The following ZNF829 variants were observed in gnomAD, a reference collection of about 807,000 sequenced individuals.
The protein encoded by ZNF829 is zinc finger protein 829.
ZNF829 carries 25 observed loss-of-function variants against 35.2 expected under a neutral mutation model. That is an observed-to-expected ratio of 0.71 (90% CI 0.52 to 0.99). The LOEUF (loss-of-function observed/expected upper bound fraction) is 0.99. Ranked by LOEUF, ZNF829 falls within the 50% of genes least tolerant of loss-of-function variation. ZNF829 has a pLI of 0.00. For synonymous variants in ZNF829, 136 were observed against 163.2 expected, an observed-to-expected ratio of 0.83 and a Z score of 1.27; for missense variants, 417 against 515.3, an observed-to-expected ratio of 0.81 and a Z score of 1.85.
chr19:36,898,108 G>A lies in ZNF829; in HGVS notation c.320-5637C>T, dbSNP rs143658716. On this transcript the variant is annotated intron_variant, in intron 5 of 5. Coordinates refer to ENST00000391711, the MANE Select transcript of ZNF829 (RefSeq NM_001037232.4). ...TTGAACCCAGGAGGTGGAAGCTGCAGAGAGCTGAGATCATGCCATTGCACT... is the reference window on the plus strand; with the variant it reads ...TTGAACCCAGGAGGTGGAAGCTGCAAAGAGCTGAGATCATGCCATTGCACT... Among the ~76,000 whole-genome samples, 37 of 152,200 alleles carry A rather than the reference G, an allele frequency of 2.4e-4. 1 individual carries two copies. The East Asian group carries it at 7.0e-3, about 29-fold the overall frequency.
intron 3 of ZNF829, among the ~76,000 whole-genome samples, chr19:36,910,106 C>T (rs557872437): frequency 4.0e-5 from 6 of 149,042 alleles, no homozygotes; most frequent in African/African-American, 7.4e-5. Context: ...TTTTTTGAGA[C>T]GGAGTTTCGC....
chr19:36,901,983 C>T, intron 5 of ZNF829: 1 of 733,306 alleles, frequency 1.4e-6, no homozygotes, highest in Non-Finnish European at 2.5e-6. Context: ...AGGAATGTCC[C>T]ATAACGAATC....
Position 36,888,443 on chromosome 19 carries a change from TTC to T in ZNF829, c.*3047_*3048del. ...CGTCAATAAAATTTATACACCCATT[TTC>T]TGTTCCCACCTACCACACTAAATTC... On this transcript the variant is annotated 3_prime_UTR_variant, in exon 6 of 6. Coordinates refer to ENST00000391711, the MANE Select transcript of ZNF829 (RefSeq NM_001037232.4). The T allele has an allele frequency of 6.6e-6, 1 of 152,194 alleles. No individual in the cohort carries two copies. 9.4% of individuals were successfully genotyped at this position (152,194 alleles called of 1,614,324 possible).
Position 36,888,863 on chromosome 19 carries a change from C to T in ZNF829, c.*2629G>A, listed in dbSNP as rs1164896977. ...TCTCAGCTCACTGCAACCTCCGCTT[C>T]TCAGGTTCAAGTAATTCTCCTGCCT... On this transcript the variant is annotated 3_prime_UTR_variant, in exon 6 of 6. Coordinates refer to ENST00000391711, the MANE Select transcript of ZNF829 (RefSeq NM_001037232.4). 1 of 152,320 alleles carries T rather than the reference C, an allele frequency of 6.6e-6. No individual in the cohort carries two copies. Among genetic ancestry groups the T allele is most frequent in the Non-Finnish European group, 1.5e-5 (1 of 68,180 alleles). 9.4% of individuals were successfully genotyped at this position (152,320 alleles called of 1,614,324 possible). A position where few individuals can be genotyped will look rare whatever the true frequency, so the allele number is the denominator to read the frequency against.
intron 5 of ZNF829, among the ~76,000 whole-genome samples, chr19:36,895,030 TA>T (rs1046755043): frequency 6.6e-6 from 1 of 151,944 alleles, no homozygotes; most frequent in Admixed American, 6.6e-5. Flanking sequence ...CAGAGAATTC[TA>T]AAAAAAGCAA....
chr19:36,915,268 G>A lies in ZNF829; in HGVS notation c.-84-17C>T. 1 of 1,601,960 alleles carries A rather than the reference G, an allele frequency of 6.2e-7. No individual in the cohort carries two copies. Among genetic ancestry groups the A allele is most frequent in the South Asian group, 1.1e-5 (1 of 89,534 alleles). On this transcript the variant is annotated splice_polypyrimidine_tract_variant and intron_variant, in intron 1 of 5. Coordinates refer to ENST00000391711, the MANE Select transcript of ZNF829 (RefSeq NM_001037232.4). The stretch of plus-strand genomic sequence containing the variant: ...AGAGGTTTCCTAGAGACAGAGTTCT[G>A]GAGTCACAATCGCATAGTTGACAGG...
intron 5 of ZNF829, among the ~76,000 whole-genome samples, chr19:36,893,412 A>G (rs2073080671): frequency 6.6e-6 from 1 of 152,208 alleles, no homozygotes; most frequent in African/African-American, 2.4e-5. Context: ...ATAGGATGAA[A>G]TGTACTCTAT....
rs868269878 is a variant in ZNF829 at position 36,893,010 on chromosome 19, G to T, written c.320-539C>A. On this transcript the variant is annotated intron_variant, in intron 5 of 5. Transcript: ENST00000391711. ...CGTGAGATATTCTAATTATATACAC[G>T]TTCATAAACATATGCTCACATGCAC... 1.7e-5 allele frequency: 7 copies of T among 407,898 alleles called. No homozygotes were observed. The Middle Eastern group carries it at 2.1e-3, about 122-fold the overall frequency. 25.3% of individuals were successfully genotyped at this position (407,898 alleles called of 1,614,324 possible).
chr19:36,915,069 C>T (rs1470226303), intron 2 of ZNF829, 47 bp from the exon 3 acceptor site: 1 of 1,613,976 alleles, frequency 6.2e-7, no homozygotes. Context: ...TGTGAGACAC[C>T]AGGTTTTTCT....
At chr19:36,910,478 A>G (rs2073255107) in intron 3 of ZNF829, among the ~76,000 whole-genome samples, 1 of 152,214 alleles carries the variant, frequency 6.6e-6, no homozygotes, top group African/African-American at 2.4e-5. Flanking sequence ...GGAAATTACA[A>G]TTCTTATAAG....
intron 5 of ZNF829, among the ~76,000 whole-genome samples, chr19:36,899,066 G>C (rs567620039): frequency 6.6e-6 from 1 of 152,290 alleles, no homozygotes; most frequent in African/African-American, 2.4e-5. Flanking sequence ...GCAGAGTGAA[G>C]AGACCTGTAG....
rs2073061205 is a variant in ZNF829 at position 36,892,166 on chromosome 19, T to A, written c.625A>T (p.Lys209Ter). ...CATTCCTTACATTCATAGGGTTTTT[T>A]ACCAGTGTGAATCCTCTGATGTCGA... is the stretch of plus-strand genomic sequence containing the variant. The part of the protein sequence containing the change: ...VTRHQRIHTG[K>*]KPYECKECGK... The change falls in exon 6 of 6, where the codon AAA becomes TAA. Residue 209 changes from lysine to a stop codon, truncating the protein, a stop_gained. Transcript: ENST00000391711. LOFTEE classifies it high-confidence loss of function. 4.3e-6 allele frequency: 7 copies of A among 1,613,982 alleles called. No individual in the cohort carries two copies. The East Asian group carries it at 1.6e-4, about 36-fold the overall frequency.
chr19:36,889,513 A>C lies in ZNF829; in HGVS notation c.*1979T>G, dbSNP rs1408962753. The C allele has an allele frequency of 1.3e-5, 2 of 152,070 alleles. No homozygotes were observed. The highest frequency in any genetic ancestry group is 4.8e-5 in the African/African-American group (2 of 41,410). The allele number at this position is 152,070 out of a possible 1,614,324, so 9.4% of individuals were successfully genotyped here. ...GAGGATTCCTATTTCTCCCTGGTTCAATCTTGGAAGGTTATGTGTTTCTAG... is the reference window on the plus strand; with the variant it reads ...GAGGATTCCTATTTCTCCCTGGTTCCATCTTGGAAGGTTATGTGTTTCTAG... On this transcript the variant is annotated 3_prime_UTR_variant, in exon 6 of 6. Transcript: ENST00000391711.
rs1173631575 is a variant in ZNF829 at position 36,890,698 on chromosome 19, A to T, written c.*794T>A. 1 of 151,044 alleles carries T rather than the reference A, an allele frequency of 6.6e-6. No homozygotes were observed. The highest frequency in any genetic ancestry group is 2.4e-5 in the African/African-American group (1 of 41,134). 9.4% of individuals were successfully genotyped at this position (151,044 alleles called of 1,614,324 possible). ...GCTACTAAAAATACAAAAAAAAAAA[A>T]AAAAAAAATTAGCCGGGCATGGTGG... On this transcript the variant is annotated 3_prime_UTR_variant, in exon 6 of 6. Coordinates refer to ENST00000391711, the MANE Select transcript of ZNF829 (RefSeq NM_001037232.4).
At chr19:36,892,956 G>A in intron 5 of ZNF829, 1 of 549,132 alleles carries the variant, frequency 1.8e-6, no homozygotes. Flanking sequence ...CCAGCAGGAT[G>A]CCGCTTCTGC....
At chr19:36,897,576 C>T (rs958936617) in intron 5 of ZNF829, among the ~76,000 whole-genome samples, 4 of 152,116 alleles carry the variant, frequency 2.6e-5, no homozygotes, top group Admixed American at 6.5e-5. Flanking sequence ...ATATGACAAA[C>T]GTACAGCTAA....
intron 5 of ZNF829, chr19:36,906,819 G>C (rs533177489): frequency 3.3e-5 from 5 of 152,156 alleles, no homozygotes; most frequent in Non-Finnish European, 7.4e-5. Flanking sequence ...GGACACAGTG[G>C]GTTACGCCTG....
At chr19:36,905,510 T>C (rs1228112636) in intron 5 of ZNF829, 1 of 151,512 alleles carries the variant, frequency 6.6e-6, no homozygotes, top group African/African-American at 2.4e-5. Flanking sequence ...TGATCTCGGC[T>C]CACTGCAACC....
intron 5 of ZNF829, among the ~76,000 whole-genome samples, chr19:36,901,318 C>A (rs181783877): frequency 6.3e-4 from 96 of 152,194 alleles, no homozygotes; most frequent in Non-Finnish European, 1.1e-3. Flanking sequence ...ATAGGCAAAT[C>A]CATAGAGAAA....
Sources: gnomAD v4.1 joint callset for allele counts (sites outside exome capture counted in the v4.1 genomes callset) on GRCh38, gnomAD v4.1.1 for gene constraint, MANE v1.5 for transcripts, NCBI Gene and HGNC (gene_info 2026-07-23, HGNC 2026-07-21) for gene names.